Variants in ASIC2 observed in about 807,000 individuals in gnomAD.
ASIC2 encodes acid-sensing ion channel 2.
In ASIC2, 25 loss-of-function variants were observed where a neutral mutation model predicts 57.3. The observed-to-expected ratio is 0.44, with a 90% confidence interval of 0.32 to 0.61. ASIC2 has a LOEUF of 0.61. Ranked by LOEUF, ASIC2 falls within the 20% of genes least tolerant of loss-of-function variation. The pLI is 0.06. For synonymous variants in ASIC2, 319 were observed against 307.5 expected, an observed-to-expected ratio of 1.04 and a Z score of -0.39; for missense variants, 641 against 738.1, an observed-to-expected ratio of 0.87 and a Z score of 1.52.
chr17:33,840,799 C>CCACACACA (rs10525634), intron 1 of ASIC2, among the ~76,000 whole-genome samples: 134 of 147,584 alleles, frequency 9.1e-4, no homozygotes, highest in African/African-American at 3.1e-3. Context: ...CCTGGACACA[C>CCACACACA]CACACACACA....
intron 1 of ASIC2, among the ~76,000 whole-genome samples, chr17:33,432,445 C>A (rs907032067): frequency 6.6e-6 from 1 of 152,088 alleles, no homozygotes; most frequent in Non-Finnish European, 1.5e-5. Context: ...GGGAGGATCG[C>A]TTGAGCCCAG....
chr17:33,226,138 G>C (rs967266790), intron 1 of ASIC2, among the ~76,000 whole-genome samples: 4 of 152,054 alleles, frequency 2.6e-5, no homozygotes, highest in Non-Finnish European at 5.9e-5. Context: ...TTTGTTATTG[G>C]TTTCCAGCCT....
At chr17:34,037,929 A>C in intron 1 of ASIC2, 1 of 1,613,874 alleles carries the variant, frequency 6.2e-7, no homozygotes, top group South Asian at 1.1e-5. Flanking sequence ...CACTGATAGA[A>C]GATCACACCC....
chr17:34,035,652 C>G (rs945899790), intron 1 of ASIC2, among the ~76,000 whole-genome samples: 2 of 152,142 alleles, frequency 1.3e-5, no homozygotes, highest in African/African-American at 4.8e-5. Flanking sequence ...GGGCTAATAT[C>G]TAGAATCTAC....
At chr17:34,013,144 G>A (rs1164994321) in intron 1 of ASIC2, among the ~76,000 whole-genome samples, 1 of 152,204 alleles carries the variant, frequency 6.6e-6, no homozygotes, top group African/African-American at 2.4e-5. Flanking sequence ...GCAAAGAAAG[G>A]AAGGATAGAC....
At chr17:34,103,347 T>A (rs1910935012) in intron 1 of ASIC2, among the ~76,000 whole-genome samples, 1 of 152,044 alleles carries the variant, frequency 6.6e-6, no homozygotes, top group South Asian at 2.1e-4. Flanking sequence ...AGAGATGGGG[T>A]CTCATTATGT....
intron 7 of ASIC2, 67 bp from the exon 8 acceptor site, chr17:33,017,751 A>C: frequency 6.8e-7 from 1 of 1,461,644 alleles, no homozygotes. Context: ...GAACAGACTG[A>C]GATGCAACCC....
chr17:34,064,761 A>G (rs868731145), intron 1 of ASIC2, among the ~76,000 whole-genome samples: 1 of 152,242 alleles, frequency 6.6e-6, no homozygotes, highest in Non-Finnish European at 1.5e-5. Context: ...ACAAATGCCC[A>G]ACAAACATAT....
At chr17:33,576,856 T>C (rs775991019) in intron 1 of ASIC2, among the ~76,000 whole-genome samples, 4 of 152,182 alleles carry the variant, frequency 2.6e-5, no homozygotes, top group African/African-American at 4.8e-5. Context: ...GGGAAAGGTA[T>C]AGAACATCTC....
At chr17:33,365,449 T>C (rs1210760586) in intron 1 of ASIC2, among the ~76,000 whole-genome samples, 1 of 152,186 alleles carries the variant, frequency 6.6e-6, no homozygotes, top group Non-Finnish European at 1.5e-5. Flanking sequence ...AGGTTATACT[T>C]GCTGAATGGC....
chr17:33,479,891 A>T (rs1913347974), intron 1 of ASIC2, among the ~76,000 whole-genome samples: 1 of 152,038 alleles, frequency 6.6e-6, no homozygotes, highest in Non-Finnish European at 1.5e-5. Flanking sequence ...TTCATGGTAA[A>T]CATCCCCTCC....
intron 1 of ASIC2, among the ~76,000 whole-genome samples, chr17:34,029,176 C>G (rs1196759450): frequency 6.6e-6 from 1 of 152,096 alleles, no homozygotes; most frequent in Non-Finnish European, 1.5e-5. Flanking sequence ...CAACTCTTCC[C>G]CATCTTATAA....
At chr17:34,066,835 G>A (rs182213128) in intron 1 of ASIC2, among the ~76,000 whole-genome samples, 5 of 152,270 alleles carry the variant, frequency 3.3e-5, no homozygotes, top group East Asian at 3.9e-4. Context: ...CAGGGAACTC[G>A]AAATCAGAGA....
At chr17:33,638,816 G>A (rs1029918845) in intron 1 of ASIC2, among the ~76,000 whole-genome samples, 4 of 151,982 alleles carry the variant, frequency 2.6e-5, no homozygotes, top group African/African-American at 7.3e-5. Context: ...AACTACCAGA[G>A]GATTAGTATC....
chr17:34,091,031 G>C lies in ASIC2; in HGVS notation c.555+64947C>G, dbSNP rs576379067. On this transcript the variant is annotated intron_variant, in intron 1 of 9. Coordinates refer to the ASIC2 transcript ENST00000359872. ...CTGGTACCTTCCAACCTGGGCCTCA[G>C]TTCTTCCCACCAAGGGTAGACCTGA... Among the ~76,000 whole-genome samples, 3 of 152,334 alleles carry C rather than the reference G, an allele frequency of 2.0e-5. No homozygotes were observed. In the South Asian group the frequency reaches 6.2e-4, roughly 32 times the overall value.
intron 3 of ASIC2, among the ~76,000 whole-genome samples, chr17:33,059,974 G>A (rs2092013948): frequency 6.6e-6 from 1 of 152,166 alleles, no homozygotes; most frequent in Non-Finnish European, 1.5e-5. Context: ...AGAAGTGTCT[G>A]TTCATATCCT....
At position 33,169,412 on chromosome 17, in the gene ASIC2, G is replaced by A. The variant is rs1301944716; in HGVS notation, c.709-57345C>T. 2.0e-5 allele frequency among the ~76,000 whole-genome samples: 3 copies of A among 152,330 alleles called. No homozygotes were observed. In the East Asian group the frequency reaches 5.8e-4, roughly 29 times the overall value. On this transcript the variant is annotated intron_variant, in intron 1 of 9. Transcript: ENST00000225823. ...GGGGAAAGGCACTACCTCACTCAGAGATTCGCTGTGAAAATTCATTTAGAT... is the reference window on the plus strand; with the variant it reads ...GGGGAAAGGCACTACCTCACTCAGAAATTCGCTGTGAAAATTCATTTAGAT...
intron 1 of ASIC2, among the ~76,000 whole-genome samples, chr17:33,795,443 C>A (rs530264612): frequency 5.2e-5 from 8 of 152,396 alleles, no homozygotes; most frequent in African/African-American, 1.4e-4. Flanking sequence ...TTCCTGAGAG[C>A]ATGCCCCTCC....
rs7224120 is a variant in ASIC2 at position 34,108,281 on chromosome 17, T to G, written c.555+47697A>C. On this transcript the variant is annotated intron_variant, in intron 1 of 9. Transcript: ENST00000359872. ...ATTGCCACAATAAATATCCTGTTCA[T>G]GCATTTTTTTATATAGTTGTAGGTG... Among the ~76,000 whole-genome samples, 589 of 152,284 alleles carry G rather than the reference T, an allele frequency of 3.9e-3. 3 individuals carry two copies. The highest frequency in any genetic ancestry group is 0.013 in the African/African-American group (546 of 41,580).
Sources: gnomAD v4.1 joint callset for allele counts (sites outside exome capture counted in the v4.1 genomes callset) on GRCh38, gnomAD v4.1.1 for gene constraint, MANE v1.5 for transcripts, NCBI Gene and HGNC (gene_info 2026-07-23, HGNC 2026-07-21) for gene names.